The following C1orf105 variants were observed in gnomAD, a reference collection of about 807,000 sequenced individuals.
C1orf105 encodes the protein uncharacterized protein C1orf105.
C1orf105 carries 17 observed loss-of-function variants against 20.8 expected under a neutral mutation model. The ratio of observed to expected loss-of-function variants is 0.82; its 90% CI spans 0.56 to 1.23. The LOEUF is 1.23. C1orf105 is among the 50% of genes most tolerant of loss of function. The pLI, the probability that C1orf105 is intolerant of heterozygous loss-of-function variation, is 0.00. For synonymous variants in C1orf105, 72 were observed against 72.1 expected (o/e 1.00, Z 0.01); for missense variants, 219 against 213.5 (o/e 1.03, Z -0.16).
chr1:172,431,099 A>G, intron 1 of C1orf105: 2 of 653,672 alleles, frequency 3.1e-6, no homozygotes, highest in Non-Finnish European at 2.8e-6. Flanking sequence ...TAAGCCAATT[A>G]ATAACCCTGC....
In C1orf105 at chr1:172,468,698, A is replaced by G; in HGVS notation, c.*104A>G. The G allele has an allele frequency of 7.7e-7, 1 of 1,300,202 alleles. No individual in the cohort carries two copies. The highest frequency in any genetic ancestry group is 1.1e-6 in the Non-Finnish European group (1 of 945,980). 80.5% of individuals were successfully genotyped at this position (1,300,202 alleles called of 1,614,324 possible). ...TCCTCACAATTTTCTCTCTTCTCCCAAAAGATGATTTAATTTTGCCTTCCT... is the reference window on the plus strand; with the variant it reads ...TCCTCACAATTTTCTCTCTTCTCCCGAAAGATGATTTAATTTTGCCTTCCT... On this transcript the variant is annotated 3_prime_UTR_variant, in exon 7 of 7. Transcript: ENST00000367727.
At chr1:172,441,838 G>A (rs1225529836) in intron 1 of C1orf105, 3 of 1,613,930 alleles carry the variant, frequency 1.9e-6, no homozygotes, top group Non-Finnish European at 2.5e-6. Context: ...ACACAGACAT[G>A]AGATAGACAT....
At chr1:172,461,477 C>T (rs923904659) in intron 4 of C1orf105, among the ~76,000 whole-genome samples, 5 of 152,122 alleles carry the variant, frequency 3.3e-5, no homozygotes, top group African/African-American at 4.8e-5. Context: ...CGGAAAAATG[C>T]TTCCTAGTGA....
intron 3 of C1orf105, among the ~76,000 whole-genome samples, chr1:172,452,201 C>A (rs577626606): frequency 6.6e-6 from 1 of 152,092 alleles, no homozygotes; most frequent in South Asian, 2.1e-4. Flanking sequence ...TTACTCTTCC[C>A]CTGAGGAAAC....
At chr1:172,441,755 C>T in intron 1 of C1orf105, 2 of 1,563,374 alleles carry the variant, frequency 1.3e-6, no homozygotes, top group Non-Finnish European at 1.7e-6. Context: ...GACAAGTCTT[C>T]CTTGATTTCA....
chr1:172,442,108 A>G (rs763300943), intron 1 of C1orf105: 9 of 1,614,138 alleles, frequency 5.6e-6, no homozygotes, highest in Non-Finnish European at 1.7e-6. Context: ...GCTGGATACA[A>G]TGGCAGCATT....
At chr1:172,423,674 T>C (rs2071647979) in intron 1 of C1orf105, among the ~76,000 whole-genome samples, 1 of 152,106 alleles carries the variant, frequency 6.6e-6, no homozygotes, top group Non-Finnish European at 1.5e-5. Context: ...AGACAAGGAA[T>C]TCAAAATAGC....
Position 172,445,099 on chromosome 1 carries a change from T to G in C1orf105, c.48T>G (p.Ile16Met). The G allele has an allele frequency of 6.2e-7, 1 of 1,613,698 alleles. No homozygotes were observed. The change falls in exon 2 of 7, where the codon ATT becomes ATG. Residue 16 changes from isoleucine to methionine, a missense_variant. Transcript: ENST00000367727. ...LKASVPKFDK[I>M]PWLSEASLVN... ...CTTCTGTTCCAAAATTTGACAAGAT[T>G]CCTTGGCTTAGTGAGGCCAGCCTTG...
intron 3 of C1orf105, 75 bp downstream of exon 3, chr1:172,448,606 C>G: frequency 1.2e-6 from 1 of 829,178 alleles, no homozygotes; most frequent in Non-Finnish European, 2.1e-6. Context: ...CATGTCCCAT[C>G]TCCTTAGCAC....
At chr1:172,462,979 G>A (rs2149192994) in intron 5 of C1orf105, among the ~76,000 whole-genome samples, 1 of 151,884 alleles carries the variant, frequency 6.6e-6, no homozygotes, top group East Asian at 1.9e-4. Context: ...ATTTCACCAT[G>A]TTGGCCAGGC....
intron 1 of C1orf105, chr1:172,442,446 G>A (rs1558132453): frequency 6.2e-7 from 1 of 1,614,142 alleles, no homozygotes; most frequent in Admixed American, 1.7e-5. Flanking sequence ...ACAGCTGCTG[G>A]ATCACCACAC....
chr1:172,438,853 C>T (rs903841091), intron 1 of C1orf105, among the ~76,000 whole-genome samples: 3 of 152,164 alleles, frequency 2.0e-5, no homozygotes, highest in Admixed American at 2.0e-4. Flanking sequence ...ACCTACCACC[C>T]TTATGTCAGC....
chr1:172,458,298 T>C (rs1035189226), intron 4 of C1orf105, among the ~76,000 whole-genome samples: 3 of 152,232 alleles, frequency 2.0e-5, no homozygotes, highest in Admixed American at 6.5e-5. Context: ...TTGCAGATGA[T>C]ATGCTCTTAT....
At chr1:172,456,558 C>G in intron 4 of C1orf105, 69 bp downstream of exon 4, 2 of 1,473,438 alleles carry the variant, frequency 1.4e-6, no homozygotes, top group Non-Finnish European at 1.9e-6. Flanking sequence ...CCCAGCCAAG[C>G]CCTGTGGGGA....
At chr1:172,441,583 C>T in intron 1 of C1orf105, 1 of 687,036 alleles carries the variant, frequency 1.5e-6, no homozygotes, top group South Asian at 3.2e-5. Context: ...ACCACCCAAG[C>T]CTTTGGTTCA....
At chr1:172,428,571 T>C (rs1196656407) in intron 1 of C1orf105, among the ~76,000 whole-genome samples, 1 of 152,224 alleles carries the variant, frequency 6.6e-6, no homozygotes, top group Non-Finnish European at 1.5e-5. Context: ...CTGACTGGGA[T>C]GCTCTTCCCC....
chr1:172,465,855 C>G (rs1208120643), intron 6 of C1orf105, among the ~76,000 whole-genome samples: 3 of 152,230 alleles, frequency 2.0e-5, no homozygotes, highest in Non-Finnish European at 4.4e-5. Flanking sequence ...ACAAGGAAAG[C>G]AGCTCTATTT....
intron 1 of C1orf105, among the ~76,000 whole-genome samples, chr1:172,424,204 A>G (rs1282307100): frequency 6.6e-6 from 1 of 152,322 alleles, no homozygotes; most frequent in Admixed American, 6.5e-5. Context: ...CCATGGGTAG[A>G]TAATAAAGAA....
chr1:172,455,008 C>T (rs1017756226), intron 3 of C1orf105, among the ~76,000 whole-genome samples: 1 of 152,230 alleles, frequency 6.6e-6, no homozygotes, highest in African/African-American at 2.4e-5. Context: ...ACCCCCGTCA[C>T]AGCACCCTTT....
Sources: allele counts gnomAD v4.1 joint callset (sites outside exome capture counted in the v4.1 genomes callset), GRCh38; gene constraint gnomAD v4.1.1; transcripts MANE v1.5; gene names NCBI Gene and HGNC (gene_info 2026-07-23, HGNC 2026-07-21).